TM7SF2: variants seen among roughly 807,000 people sequenced by gnomAD.
TM7SF2 encodes the protein transmembrane 7 superfamily member 2.
A neutral mutation model predicts 51.0 loss-of-function variants in TM7SF2; 51 were observed. The ratio of observed to expected loss-of-function variants is 1.00; its 90% confidence interval spans 0.80 to 1.26. The LOEUF (loss-of-function observed/expected upper bound fraction) is 1.26, where lower values mean the gene tolerates loss of function less well. Among genes scored for constraint, TM7SF2 ranks in the 50% most tolerant of loss-of-function variants. TM7SF2 has a pLI of 0.00. For missense variants in TM7SF2, 541 were observed against 547.4 expected, an observed-to-expected ratio of 0.99 and a Z score of 0.12; for synonymous variants, 255 against 241.0, an observed-to-expected ratio of 1.06 and a Z score of -0.54.
In TM7SF2 at chr11:65,116,051, T is replaced by C; in HGVS notation, c.1255T>C (p.Ter419ArgextTer54). ...VPYRIMPYIY[*>R] ...TTACCGCATCATGCCCTACATCTACTGAAGCGGCTCCACCACCCCAGGTGG... is the reference window on the plus strand; with the variant it reads ...TTACCGCATCATGCCCTACATCTACCGAAGCGGCTCCACCACCCCAGGTGG... The change falls in exon 10 of 10, where the codon TGA (stop) becomes CGA (arginine). Residue 419 changes from the stop codon to arginine (R), a stop_lost. Transcript: ENST00000279263. 1 of 1,603,246 alleles carries C rather than the reference T, an allele frequency of 6.2e-7. No homozygotes were observed. Among genetic ancestry groups the C allele is most frequent in the Non-Finnish European group, 8.5e-7 (1 of 1,177,242 alleles).
chr11:65,113,516 G>A lies in TM7SF2; in HGVS notation c.525G>A (p.Leu175=). ...NSGNPIYDFF[L]GRELNPRICF... is the part of the protein sequence containing the mutation. ...GCAATCCGATTTACGACTTTTTTCT[G>A]GGACGAGAGCTCAACCCTCGTATCT... Residue 175 remains leucine (L), a synonymous_variant, in exon 5 of 10, where the codon CTG becomes CTA. Coordinates refer to ENST00000279263, the MANE Select transcript of TM7SF2 (RefSeq NM_003273.6). The A allele has an allele frequency of 6.2e-7, 1 of 1,614,182 alleles. No homozygotes were observed. The highest frequency in any genetic ancestry group is 8.5e-7 in the Non-Finnish European group (1 of 1,180,012).
Position 65,115,347 on chromosome 11 carries a change from C to T in TM7SF2, c.926C>T (p.Ser309Phe). 6.2e-7 allele frequency: 1 copy of T among 1,614,186 alleles called. No individual in the cohort carries two copies. The highest frequency in any genetic ancestry group is 1.1e-5 in the South Asian group (1 of 91,084). Residue 309 changes from serine to phenylalanine, a missense_variant, in exon 8 of 10, where the codon TCC becomes TTC. Coordinates refer to ENST00000279263, the MANE Select transcript of TM7SF2 (RefSeq NM_003273.6). ...TGYYIFRGAN[S>F]QKNTFRKNPS... ...TACTACATCTTCCGTGGGGCGAATT[C>T]CCAGAAAAACACTTTCCGAAAGAAT...
intron 9 of TM7SF2, 117 bp from the exon 10 acceptor site, chr11:65,115,776 C>A (rs780547087): frequency 6.3e-7 from 1 of 1,579,992 alleles, no homozygotes; most frequent in Admixed American, 1.7e-5. Context: ...TTGCTGCAGA[C>A]CCTGGCGCTT....
chr11:65,112,181 G>A, intron 1 of TM7SF2, 114 bp downstream of exon 1: 1 of 1,112,188 alleles, frequency 9.0e-7, no homozygotes, highest in Non-Finnish European at 1.3e-6. Context: ...GGGTGTCGGA[G>A]GCAGAGGGAC....
rs1947982319 is a variant in TM7SF2 at position 65,116,174 on chromosome 11, C to A, written c.*121C>A. ...CACCCCACCCAGCCCTGAGGATGAA[C>A]AACCTCAGAGAAGAGGTGGTTTAGA... On this transcript the variant is annotated 3_prime_UTR_variant, in exon 10 of 10. Transcript: ENST00000279263. The A allele has an allele frequency of 7.4e-7, 1 of 1,342,942 alleles. No homozygotes were observed. The highest frequency in any genetic ancestry group is 1.0e-6 in the Non-Finnish European group (1 of 1,000,740). 83.2% of individuals were successfully genotyped at this position (1,342,942 alleles called of 1,614,324 possible). A position where few individuals can be genotyped will look rare whatever the true frequency, so the allele number is the denominator to read the frequency against.
chr11:65,112,285 G>C, intron 1 of TM7SF2: 1 of 652,676 alleles, frequency 1.5e-6, no homozygotes. Context: ...TGTCGACTGG[G>C]AGCAGGAGGA....
rs17850443 is a variant in TM7SF2, at chr11:65,113,353, C to T, written c.438C>T (p.Leu146=). The T allele has an allele frequency of 6.2e-7, 1 of 1,614,148 alleles. No homozygotes were observed. The highest frequency in any genetic ancestry group is 1.3e-5 in the African/African-American group (1 of 75,068). Residue 146 remains leucine, a synonymous_variant, in exon 4 of 10, where the codon CTC becomes CTT. Transcript: ENST00000279263. ...VATLTAFIFS[L]FLYMKAQVAP... The stretch of plus-strand genomic sequence containing the variant: ...CCCTCACCGCTTTCATCTTCAGCCT[C>T]TTTCTCTACATGAAGGCGCAGGTAG...
chr11:65,114,849 C>G lies in TM7SF2; in HGVS notation c.723+17C>G, dbSNP rs368969753. On this transcript the variant is annotated intron_variant, in intron 6 of 9. Transcript: ENST00000279263. The stretch of plus-strand genomic sequence containing the variant: ...TGGCACGAGGTGAGGCTGGACTGGA[C>G]GAGGGTGGGTGTCTGAGGGCCGCAT... 6.2e-7 allele frequency: 1 copy of G among 1,614,154 alleles called. No homozygotes were observed. The highest frequency in any genetic ancestry group is 1.7e-5 in the Admixed American group (1 of 60,028).
chr11:65,113,690 C>A, intron 5 of TM7SF2, 96 bp downstream of exon 5: 2 of 1,023,540 alleles, frequency 2.0e-6, no homozygotes, highest in Non-Finnish European at 3.0e-6. Flanking sequence ...TGTGCAGATG[C>A]GAGTCATTAA....
intron 7 of TM7SF2, 30 bp from the exon 8 acceptor site, chr11:65,115,284 C>T (rs371670770): frequency 3.1e-6 from 5 of 1,611,984 alleles, no homozygotes; most frequent in Non-Finnish European, 4.2e-6. Context: ...AACCCTTGAC[C>T]TTGACCACCG....
chr11:65,115,801 C>T (rs1395408116), intron 9 of TM7SF2, 92 bp from the exon 10 acceptor site: 7 of 1,601,984 alleles, frequency 4.4e-6, no homozygotes, highest in African/African-American at 1.3e-5. Flanking sequence ...TGCTGAGCCC[C>T]GATGCCCACA....
chr11:65,112,372 G>C, intron 1 of TM7SF2, 143 bp from the exon 2 acceptor site: 1 of 967,812 alleles, frequency 1.0e-6, no homozygotes, highest in South Asian at 1.8e-5. Flanking sequence ...GGGGTGCCTG[G>C]GGGCCGAGGG....
At chr11:65,113,018 C>T (rs1033927823) in intron 3 of TM7SF2, 153 bp downstream of exon 3, 9 of 1,083,442 alleles carry the variant, frequency 8.3e-6, no homozygotes, top group Non-Finnish European at 1.1e-5. Flanking sequence ...CTCCCTATGC[C>T]CCTCGTCCCC....
chr11:65,113,868 G>A, intron 5 of TM7SF2: 1 of 488,138 alleles, frequency 2.0e-6, no homozygotes, highest in Non-Finnish European at 3.7e-6. Flanking sequence ...GATGACGTTA[G>A]GAGAGCACGT....
In TM7SF2 at chr11:65,114,951, G is replaced by T. The variant is rs938764103; in HGVS notation, c.762G>T (p.Gly254=). 6 of 1,614,238 alleles carry T rather than the reference G, an allele frequency of 3.7e-6. No homozygotes were observed. The highest frequency in any genetic ancestry group is 2.2e-5 in the East Asian group (1 of 44,890). ...VLTTMDITHD[G]FGFMLAFGDM... ...CCACCATGGATATCACACATGACGG[G>T]TTTGGCTTCATGCTGGCGTTTGGGG... The change falls in exon 7 of 10, where the codon GGG becomes GGT. Residue 254 remains glycine, a synonymous_variant. Transcript: ENST00000279263.
rs1369455498 is a variant in TM7SF2, at chr11:65,112,795, C to G, written c.250-16C>G. 12 of 1,550,154 alleles carry G rather than the reference C, an allele frequency of 7.7e-6. No individual in the cohort carries two copies. The highest frequency in any genetic ancestry group is 1.0e-5 in the Non-Finnish European group (12 of 1,146,896). On this transcript the variant is annotated splice_polypyrimidine_tract_variant and intron_variant, in intron 2 of 9. Coordinates refer to ENST00000279263, the MANE Select transcript of TM7SF2 (RefSeq NM_003273.6). ...AGGACGCCCCGGGCCTTATCAGAGC[C>G]CCCTTGGACCCGCAGGTGGCCGAGG...
rs774186843 is a variant in TM7SF2, at chr11:65,115,954, T to C, written c.1158T>C (p.Arg386=). 2 of 1,613,962 alleles carry C rather than the reference T, an allele frequency of 1.2e-6. No homozygotes were observed. Among genetic ancestry groups the C allele is most frequent in the South Asian group, 1.1e-5 (1 of 91,088 alleles). The change falls in exon 10 of 10, where the codon CGT becomes CGC. Residue 386 remains arginine, a synonymous_variant. Coordinates refer to ENST00000279263, the MANE Select transcript of TM7SF2 (RefSeq NM_003273.6). Reference sequence around the variant, plus strand: ...ACTTCACCGCGCTGCTGGTGCACCGTGAGGCCCGGGATGAGCGGCAGTGCC... The same window carrying C: ...ACTTCACCGCGCTGCTGGTGCACCGCGAGGCCCGGGATGAGCGGCAGTGCC... The part of the protein sequence containing the change: ...LLYFTALLVH[R]EARDERQCLQ...
chr11:65,113,008 C>T (rs1565322026), intron 3 of TM7SF2, 143 bp downstream of exon 3: 1 of 1,120,068 alleles, frequency 8.9e-7, no homozygotes, highest in Non-Finnish European at 1.3e-6. Flanking sequence ...GCCGGGGGCT[C>T]TCCCTATGCC....
rs1476505341 is a variant in TM7SF2 at position 65,114,746 on chromosome 11, G to A, written c.637G>A (p.Ala213Thr). The A allele has an allele frequency of 6.2e-7, 1 of 1,614,248 alleles. No homozygotes were observed. Among genetic ancestry groups the A allele is most frequent in the Admixed American group, 1.7e-5 (1 of 60,024 alleles). ...LINLALLMKEAELRGSPSLAM... is the reference protein window; with the variant it reads ...LINLALLMKETELRGSPSLAM... ...CAACCTGGCCCTGTTGATGAAGGAG[G>A]CAGAGCTTCGAGGCAGTCCCTCACT... The change falls in exon 6 of 10, where the codon GCA becomes ACA. Residue 213 changes from alanine to threonine, a missense_variant. Physicochemically the swap from Ala to Thr is moderately conservative, Grantham distance 58. Transcript: ENST00000279263.
Sources: gnomAD v4.1 joint callset for allele counts on GRCh38, gnomAD v4.1.1 for gene constraint, MANE v1.5 for transcripts, NCBI Gene and HGNC (gene_info 2026-07-23, HGNC 2026-07-21) for gene names.